The following GRM3 variants were observed in gnomAD, a reference collection of about 807,000 sequenced individuals.
GRM3 encodes the protein glutamate metabotropic receptor 3.
Under a neutral mutation model 70.5 loss-of-function variants are expected in GRM3, and 26 were observed. The ratio of observed to expected loss-of-function variants is 0.37; its 90% CI spans 0.27 to 0.51. GRM3 has a LOEUF of 0.51. GRM3 is among the 20% of genes least tolerant of loss of function. The probability of loss-of-function intolerance (pLI) is 0.93; values close to 1 mark genes in which losing one functional copy is unlikely to be tolerated. For missense variants in GRM3, 859 were observed against 1,123.8 expected (o/e 0.76, Z 3.37); for synonymous variants, 443 against 434.9 (o/e 1.02, Z -0.23).
At chr7:86,851,656 AG>A (rs2115569274) in intron 5 of GRM3, among the ~76,000 whole-genome samples, 1 of 152,276 alleles carries the variant, frequency 6.6e-6, no homozygotes, top group Non-Finnish European at 1.5e-5. Context: ...AGAATTTAAC[AG>A]GGCAGCCCTT....
At chr7:86,693,740 C>T (rs772498194) in intron 1 of GRM3, among the ~76,000 whole-genome samples, 4 of 151,538 alleles carry the variant, frequency 2.6e-5, no homozygotes, top group Non-Finnish European at 5.9e-5. Context: ...AGAGCCGAGC[C>T]GCTGTTATAG....
At chr7:86,748,238 A>AT (rs1562847391) in intron 1 of GRM3, among the ~76,000 whole-genome samples, 1 of 151,900 alleles carries the variant, frequency 6.6e-6, no homozygotes, top group Non-Finnish European at 1.5e-5. Context: ...GAATATATAT[A>AT]TTTTTTGTTT....
chr7:86,822,364 T>C (rs1337046411), intron 3 of GRM3, among the ~76,000 whole-genome samples: 1 of 152,068 alleles, frequency 6.6e-6, no homozygotes, highest in Non-Finnish European at 1.5e-5. Flanking sequence ...GAGAGAAAGA[T>C]AGTAAATGCC....
intron 2 of GRM3, chr7:86,784,216 T>C (rs1158838459): frequency 4.7e-5 from 7 of 147,962 alleles, no homozygotes; most frequent in African/African-American, 1.9e-4. Context: ...AGAACTTTTT[T>C]GTTTTTTTTT....
At chr7:86,774,750 C>T (rs898040685) in intron 2 of GRM3, among the ~76,000 whole-genome samples, 1 of 152,004 alleles carries the variant, frequency 6.6e-6, no homozygotes, top group African/African-American at 2.4e-5. Context: ...TCGGTAGATA[C>T]CATAAGGTTC....
At chr7:86,823,605 T>TTTG in intron 3 of GRM3, among the ~76,000 whole-genome samples, 1 of 88,240 alleles carries the variant, frequency 1.1e-5, no homozygotes, top group Non-Finnish European at 2.3e-5. Context: ...TTTTTTTTTT[T>TTTG]GGCGGGGGGG....
rs141671463 is a variant in GRM3 at position 86,839,787 on chromosome 7, C to T, written c.2273C>T (p.Thr758Met). Residue 758 changes from threonine (T) to methionine (M), a missense_variant, in exon 4 of 6, where the codon ACG becomes ATG. By Grantham distance (81) the Thr-to-Met change is moderately conservative. Coordinates refer to ENST00000361669, the MANE Select transcript of GRM3 (RefSeq NM_000840.3). The surrounding 1 kb of genome is among the most constrained non-coding windows in gnomAD (Gnocchi z 4.5). Reference sequence around the variant, plus strand: ...TTATGCACTGTGTACGCCTTCAAAACGCGGAAGTGCCCAGAAAATTTCAAC... The same window carrying T: ...TTATGCACTGTGTACGCCTTCAAAATGCGGAAGTGCCCAGAAAATTTCAAC... ...VILCTVYAFK[T>M]RKCPENFNEA... 5.3e-5 allele frequency: 85 copies of T among 1,613,636 alleles called. No homozygotes were observed. The highest frequency in any genetic ancestry group is 1.6e-4 in the Middle Eastern group (1 of 6,084).
At chr7:86,744,984 T>C (rs1048669992) in intron 1 of GRM3, among the ~76,000 whole-genome samples, 4 of 151,974 alleles carry the variant, frequency 2.6e-5, no homozygotes, top group Non-Finnish European at 5.9e-5. Context: ...GGTACCTTAG[T>C]TGTCTTGGCA....
intron 3 of GRM3, among the ~76,000 whole-genome samples, chr7:86,788,441 T>C (rs1797324847): frequency 1.3e-5 from 2 of 152,186 alleles, no homozygotes; most frequent in Admixed American, 1.3e-4. Context: ...AAATCAATTA[T>C]GTCAGTAATT....
chr7:86,804,130 C>A (rs1323420224), intron 3 of GRM3, among the ~76,000 whole-genome samples: 1 of 152,056 alleles, frequency 6.6e-6, no homozygotes, highest in East Asian at 1.9e-4. Flanking sequence ...ATGTTATAGG[C>A]AGTAAAATGA....
chr7:86,824,934 A>T (rs1007932067), intron 3 of GRM3, among the ~76,000 whole-genome samples: 18 of 152,212 alleles, frequency 1.2e-4, no homozygotes, highest in African/African-American at 3.4e-4. Flanking sequence ...AGTGAGACTC[A>T]AATGATTTCT....
At chr7:86,824,344 GGAAAGCAA>G (rs1450707272) in intron 3 of GRM3, among the ~76,000 whole-genome samples, 1 of 152,142 alleles carries the variant, frequency 6.6e-6, no homozygotes, top group African/African-American at 2.4e-5. Flanking sequence ...TATCATTTTA[GGAAAGCAA>G]GACAAAGCTC....
chr7:86,813,178 G>T (rs10266758), intron 3 of GRM3, among the ~76,000 whole-genome samples: 38,674 of 151,390 alleles, frequency 0.26, 5,085 homozygotes, highest in Middle Eastern at 0.34. Context: ...AGCTAAATGC[G>T]CAAAATTCTC....
intron 1 of GRM3, among the ~76,000 whole-genome samples, chr7:86,652,366 T>C (rs553325434): frequency 6.6e-6 from 1 of 152,348 alleles, no homozygotes; most frequent in South Asian, 2.1e-4. Flanking sequence ...ATTCTAGCTC[T>C]GTTGCCCAGG....
chr7:86,706,886 A>T (rs1196761941), intron 1 of GRM3, among the ~76,000 whole-genome samples: 3 of 152,154 alleles, frequency 2.0e-5, no homozygotes, highest in African/African-American at 7.2e-5. Flanking sequence ...ATTTCCTTAC[A>T]GGGATTTGTC....
intron 1 of GRM3, among the ~76,000 whole-genome samples, chr7:86,711,171 A>T (rs139539677): frequency 0.014 from 2,113 of 151,492 alleles, 42 homozygotes; most frequent in African/African-American, 0.048. Flanking sequence ...AATTTAATTT[A>T]ATTTAATTTA....
intron 1 of GRM3, among the ~76,000 whole-genome samples, chr7:86,752,951 T>C (rs1027124230): frequency 6.6e-6 from 1 of 152,070 alleles, no homozygotes; most frequent in Non-Finnish European, 1.5e-5. Flanking sequence ...TGAGCACATG[T>C]GTCCTTTTGA....
chr7:86,860,272 A>G (rs769103238), intron 5 of GRM3, among the ~76,000 whole-genome samples: 1 of 152,196 alleles, frequency 6.6e-6, no homozygotes, highest in Non-Finnish European at 1.5e-5. Flanking sequence ...CCTTCTACAT[A>G]TTTTATTACC....
At chr7:86,707,491 C>T (rs1170300718) in intron 1 of GRM3, among the ~76,000 whole-genome samples, 2 of 152,044 alleles carry the variant, frequency 1.3e-5, no homozygotes, top group Non-Finnish European at 2.9e-5. Context: ...TTTAGTTCTA[C>T]TCCTGGCTCT....
Sources: allele counts gnomAD v4.1 joint callset (sites outside exome capture counted in the v4.1 genomes callset), GRCh38; gene constraint gnomAD v4.1.1; non-coding constraint Gnocchi (gnomAD v3.1); transcripts MANE v1.5; gene names NCBI Gene and HGNC (gene_info 2026-07-23, HGNC 2026-07-21).